Variants in TSC22D1 observed in about 807,000 individuals in gnomAD.
TSC22D1 encodes TSC22 domain family protein 1.
In TSC22D1, 9 loss-of-function variants were observed where a neutral mutation model predicts 74.2. The observed-to-expected ratio is 0.12, with a 90% confidence interval of 0.07 to 0.21. The LOEUF (loss-of-function observed/expected upper bound fraction) is 0.21, where lower values mean the gene tolerates loss of function less well. Among genes scored for constraint, TSC22D1 ranks in the 10% least tolerant of loss-of-function variants. The pLI, the probability that TSC22D1 is intolerant of heterozygous loss-of-function variation, is 1.00. For missense variants in TSC22D1, 1,427 were observed against 1,304.7 expected (o/e 1.09, Z -1.44); for synonymous variants, 586 against 492.5 (o/e 1.19, Z -2.51).
At chr13:44,534,572 T>C (rs901893236) in intron 1 of TSC22D1, among the ~76,000 whole-genome samples, 13 of 152,168 alleles carry the variant, frequency 8.5e-5, no homozygotes, top group African/African-American at 2.2e-4. Context: ...AGATATGCTA[T>C]TATCCTAACA....
At chr13:44,520,258 CCAGA>C (rs1880247359) in intron 1 of TSC22D1, among the ~76,000 whole-genome samples, 1 of 152,008 alleles carries the variant, frequency 6.6e-6, no homozygotes, top group Non-Finnish European at 1.5e-5. Context: ...TAAAAACTGG[CCAGA>C]AAGACAGGAA....
chr13:44,535,622 A>AAAC (rs1396766135), intron 1 of TSC22D1, among the ~76,000 whole-genome samples: 1 of 103,650 alleles, frequency 9.6e-6, no homozygotes, highest in African/African-American at 5.0e-5. Context: ...AAGCTACAAA[A>AAAC]AACAAACAAA....
At chr13:44,516,140 A>G (rs1879967250) in intron 1 of TSC22D1, among the ~76,000 whole-genome samples, 1 of 152,218 alleles carries the variant, frequency 6.6e-6, no homozygotes, top group African/African-American at 2.4e-5. Context: ...AGCTATTAGT[A>G]GTATGCAGTA....
chr13:44,563,927 T>C (rs1883201146), intron 1 of TSC22D1, among the ~76,000 whole-genome samples: 2 of 152,252 alleles, frequency 1.3e-5, no homozygotes, highest in Non-Finnish European at 2.9e-5. Context: ...AGCCCTTATA[T>C]TGCCAAATAA....
At chr13:44,551,310 G>GGGGGGTGT (rs1555272439) in intron 1 of TSC22D1, among the ~76,000 whole-genome samples, 1 of 132,776 alleles carries the variant, frequency 7.5e-6, no homozygotes, top group African/African-American at 2.9e-5. Flanking sequence ...ATCAGCTGGG[G>GGGGGGTGT]GTGTGTGTGT....
intron 1 of TSC22D1, 25 bp from the exon 2 acceptor site, chr13:44,436,120 C>G: frequency 6.2e-7 from 1 of 1,606,496 alleles, no homozygotes; most frequent in Non-Finnish European, 8.5e-7. Flanking sequence ...GGAAAAAGGT[C>G]ATCGATAAAT....
In TSC22D1 at chr13:44,432,914, G is replaced by A. The variant is rs1284220156; in HGVS notation, c.*1712C>T. The A allele has an allele frequency of 6.6e-6, 1 of 152,136 alleles. No homozygotes were observed. Among genetic ancestry groups the A allele is most frequent in the African/African-American group, 2.4e-5 (1 of 41,410 alleles). The allele number at this position is 152,136 out of a possible 1,614,324, so 9.4% of individuals were successfully genotyped here. A position where few individuals can be genotyped will look rare whatever the true frequency, so the allele number is the denominator to read the frequency against. On this transcript the variant is annotated 3_prime_UTR_variant, in exon 3 of 3. Coordinates refer to ENST00000458659, the MANE Select transcript of TSC22D1 (RefSeq NM_183422.4). ...CCAATCTGCCTCAGGATTCCTTCGT[G>A]GTTTTAATTTTGGCCTGTTTTATAG...
chr13:44,533,575 G>A (rs942467982), intron 1 of TSC22D1, among the ~76,000 whole-genome samples: 1 of 152,032 alleles, frequency 6.6e-6, no homozygotes, highest in Non-Finnish European at 1.5e-5. Context: ...CCTGAGGTCA[G>A]GAGTTCAAGA....
At chr13:44,566,474 A>C (rs887157253) in intron 1 of TSC22D1, among the ~76,000 whole-genome samples, 1 of 152,222 alleles carries the variant, frequency 6.6e-6, no homozygotes, top group African/African-American at 2.4e-5. Context: ...ATTACATACT[A>C]TTCTTATTTC....
chr13:44,509,583 T>C (rs1595126171), intron 1 of TSC22D1, among the ~76,000 whole-genome samples: 1 of 152,184 alleles, frequency 6.6e-6, no homozygotes, highest in African/African-American at 2.4e-5. Context: ...GAGGTTGCAG[T>C]GAGCCAAGAT....
At chr13:44,526,729 G>A (rs1444202483) in intron 1 of TSC22D1, among the ~76,000 whole-genome samples, 7 of 152,148 alleles carry the variant, frequency 4.6e-5, no homozygotes, top group African/African-American at 1.7e-4. Flanking sequence ...AATGCATATT[G>A]CTTTTGCACC....
At chr13:44,564,973 T>C (rs886145555) in intron 1 of TSC22D1, among the ~76,000 whole-genome samples, 1 of 152,170 alleles carries the variant, frequency 6.6e-6, no homozygotes, top group African/African-American at 2.4e-5. Context: ...ATTAAGAAAT[T>C]ATATTTATCA....
At position 44,435,214 on chromosome 13, in the gene TSC22D1, C is replaced by T. The variant is rs539452975; in HGVS notation, c.2965-331G>A. 9.9e-4 allele frequency: 215 copies of T among 218,240 alleles called. 1 individual carries two copies. The highest frequency in any genetic ancestry group is 4.7e-3 in the African/African-American group (204 of 43,784). 13.5% of individuals were successfully genotyped at this position (218,240 alleles called of 1,614,324 possible). On this transcript the variant is annotated intron_variant, in intron 2 of 2. Coordinates refer to ENST00000458659, the MANE Select transcript of TSC22D1 (RefSeq NM_183422.4). ...GGGGACGTCCAAGCCACAGCGCGCCCACCGCGTCCCCGCCCCCAGGCCCCG... is the reference window on the plus strand; with the variant it reads ...GGGGACGTCCAAGCCACAGCGCGCCTACCGCGTCCCCGCCCCCAGGCCCCG...
chr13:44,528,541 G>A (rs535923658), intron 1 of TSC22D1, among the ~76,000 whole-genome samples: 4 of 151,928 alleles, frequency 2.6e-5, no homozygotes, highest in Non-Finnish European at 2.9e-5. Context: ...AGCAGAAACA[G>A]TGCTAGAGGG....
rs756946084 is a variant in TSC22D1 at position 44,575,790 on chromosome 13, T to G, written c.285A>C (p.Ala95=). Residue 95 remains alanine, a synonymous_variant, in exon 1 of 3, where the codon GCA becomes GCC. Coordinates refer to ENST00000458659, the MANE Select transcript of TSC22D1 (RefSeq NM_183422.4). The stretch of plus-strand genomic sequence containing the variant: ...GAGTTCCGCCTGGCGCAAGAGGCTG[T>G]GCCTGCAGCTGAGCCTGCGAAAGGA... ...LNLLSQAQLQ[A]QPLAPGGTQM... 4 of 1,614,066 alleles carry G rather than the reference T, an allele frequency of 2.5e-6. No homozygotes were observed. Among genetic ancestry groups the G allele is most frequent in the African/African-American group, 2.7e-5 (2 of 74,926 alleles).
rs958553256 is a variant in TSC22D1 at position 44,434,061 on chromosome 13, T to C, written c.*565A>G. ...CCATTTTGTCACTCTCATAGTTTTG[T>C]GTCATCCATTGTTTGAGAAGAAAGA... On this transcript the variant is annotated 3_prime_UTR_variant, in exon 3 of 3. Coordinates refer to ENST00000458659, the MANE Select transcript of TSC22D1 (RefSeq NM_183422.4). 3.3e-6 allele frequency: 5 copies of C among 1,528,512 alleles called. No homozygotes were observed. In the Admixed American group the frequency reaches 6.2e-5, roughly 19 times the overall value. The allele number at this position is 1,528,512 out of a possible 1,614,324, so 94.7% of individuals were successfully genotyped here.
chr13:44,499,544 C>T (rs924738948), intron 1 of TSC22D1, among the ~76,000 whole-genome samples: 27 of 152,196 alleles, frequency 1.8e-4, no homozygotes, highest in Non-Finnish European at 4.4e-5. Context: ...AGATTTCAAA[C>T]CCTGGAAGGC....
intron 2 of TSC22D1, 22 bp from the exon 3 acceptor site, chr13:44,434,905 T>C: frequency 6.3e-7 from 1 of 1,587,472 alleles, no homozygotes; most frequent in African/African-American, 1.4e-5. Flanking sequence ...ACAGAAAAGG[T>C]TTAACTCATT....
intron 1 of TSC22D1, among the ~76,000 whole-genome samples, chr13:44,477,235 G>A (rs1350014509): frequency 2.6e-5 from 4 of 152,294 alleles, no homozygotes; most frequent in South Asian, 4.1e-4. Context: ...CTGCAGGCGT[G>A]AGCCACCATG....
Sources: gnomAD v4.1 joint callset for allele counts (sites outside exome capture counted in the v4.1 genomes callset) on GRCh38, gnomAD v4.1.1 for gene constraint, MANE v1.5 for transcripts, NCBI Gene and HGNC (gene_info 2026-07-23, HGNC 2026-07-21) for gene names.